Variants in ANK3 observed in about 807,000 individuals in gnomAD.
ANK3 encodes the protein ankyrin-3.
Under a neutral mutation model 370.9 loss-of-function variants are expected in ANK3, and 57 were observed. The ratio of observed to expected loss-of-function variants is 0.15; its 90% CI spans 0.12 to 0.19. The LOEUF is 0.19. Ranked by LOEUF, ANK3 falls within the 10% of genes least tolerant of loss-of-function variation. The pLI, the probability that ANK3 is intolerant of heterozygous loss-of-function variation, is 1.00. For synonymous variants in ANK3, 1,929 were observed against 1,946.3 expected (o/e 0.99, Z 0.23); for missense variants, 4,439 against 5,302.1 (o/e 0.84, Z 5.06).
chr10:60,264,808 G>A (rs79524330), intron 5 of ANK3, among the ~76,000 whole-genome samples: 13,648 of 152,114 alleles, frequency 0.09, 800 homozygotes, highest in South Asian at 0.17. Flanking sequence ...GTCAGGATAG[G>A]TGAATTCATG....
chr10:60,613,522 A>G (rs1302347926), intron 2 of ANK3, among the ~76,000 whole-genome samples: 1 of 152,226 alleles, frequency 6.6e-6, no homozygotes, highest in Non-Finnish European at 1.5e-5. Context: ...TGATAGGTAG[A>G]ACATATCATA....
At chr10:60,352,106 G>C (rs1352552365) in intron 1 of ANK3, among the ~76,000 whole-genome samples, 1 of 152,124 alleles carries the variant, frequency 6.6e-6, no homozygotes, top group Admixed American at 6.5e-5. Flanking sequence ...GACCAGTCTG[G>C]CAAACATGGT....
intron 1 of ANK3, among the ~76,000 whole-genome samples, chr10:60,297,901 A>G (rs1324247795): frequency 1.3e-5 from 2 of 152,168 alleles, no homozygotes; most frequent in Non-Finnish European, 2.9e-5. Flanking sequence ...ACTATATAAA[A>G]TATCCTACTT....
chr10:60,510,251 C>A (rs1269915156), intron 2 of ANK3, among the ~76,000 whole-genome samples: 4 of 152,020 alleles, frequency 2.6e-5, no homozygotes, highest in African/African-American at 9.7e-5. Flanking sequence ...AGGCAAGTAT[C>A]CCTTGAATAC....
intron 2 of ANK3, among the ~76,000 whole-genome samples, chr10:60,548,206 CTTT>C (rs537459971): frequency 1.0e-4 from 9 of 88,362 alleles, no homozygotes; most frequent in South Asian, 4.9e-4. Flanking sequence ...TAAATATTTC[CTTT>C]TTTTTTTTTT....
chr10:60,335,968 AT>A (rs1427043556), intron 1 of ANK3, among the ~76,000 whole-genome samples: 1 of 152,204 alleles, frequency 6.6e-6, no homozygotes, highest in African/African-American at 2.4e-5. Context: ...TTAAGGAGCA[AT>A]AACCGTAAGT....
rs41274676 is a variant in ANK3, at chr10:60,076,416, G to A, written c.4465C>T (p.Pro1489Ser). The change falls in exon 37 of 44, where the codon CCC (proline) becomes TCC (serine). Residue 1489 changes from proline to serine, a missense_variant. Coordinates refer to ENST00000280772, the MANE Select transcript of ANK3 (RefSeq NM_020987.5). ...AATGGCTTGTATGAGTAAGTGGTGGGGAGGGATCTTGTTGCTCCTGTACTC... is the reference window on the plus strand; with the variant it reads ...AATGGCTTGTATGAGTAAGTGGTGGAGAGGGATCTTGTTGCTCCTGTACTC... ...ERSTGATRSL[P>S]TTYSYKPFFS... 3,860 of 1,612,038 alleles carry A rather than the reference G, an allele frequency of 2.4e-3. 7 individuals carry two copies. Among genetic ancestry groups the A allele is most frequent in the Non-Finnish European group, 2.9e-3 (3,394 of 1,178,926 alleles).
intron 2 of ANK3, among the ~76,000 whole-genome samples, chr10:60,451,155 C>G (rs968521542): frequency 1.3e-5 from 2 of 152,166 alleles, no homozygotes; most frequent in African/African-American, 4.8e-5. Context: ...GGATCCCCAG[C>G]CACGCCGGAA....
intron 2 of ANK3, among the ~76,000 whole-genome samples, chr10:60,520,866 T>A (rs1242166713): frequency 6.6e-6 from 1 of 152,118 alleles, no homozygotes; most frequent in Non-Finnish European, 1.5e-5. Context: ...CACAGTGACA[T>A]GTTTCGAATT....
intron 2 of ANK3, among the ~76,000 whole-genome samples, chr10:60,532,461 G>C (rs1372555601): frequency 2.6e-5 from 4 of 151,334 alleles, no homozygotes; most frequent in Non-Finnish European, 4.4e-5. Context: ...CAAACCTTTA[G>C]AGTCCCAGGA....
chr10:60,711,771 ATAT>A (rs2079711973), intron 1 of ANK3, among the ~76,000 whole-genome samples: 1 of 152,230 alleles, frequency 6.6e-6, no homozygotes, highest in African/African-American at 2.4e-5. Flanking sequence ...ACATCTAGAC[ATAT>A]TATATCTAAA....
intron 1 of ANK3, among the ~76,000 whole-genome samples, chr10:60,623,026 T>G (rs934128688): frequency 9.2e-5 from 14 of 152,296 alleles, no homozygotes; most frequent in Middle Eastern, 6.8e-3. Flanking sequence ...ACAGAAACTA[T>G]TCATTTGGCT....
chr10:60,733,274 C>T, exon 1 of ANK3: 1 of 1,238,486 alleles, frequency 8.1e-7, no homozygotes, highest in Non-Finnish European at 1.0e-6. Flanking sequence ...TGGGCAGGAG[C>T]GGAGTCCTCG....
rs950177051 is a variant in ANK3, at chr10:60,088,256, C to T, written c.3431G>A (p.Ser1144Asn). Residue 1144 changes from serine to asparagine, a missense_variant, in exon 29 of 44, where the codon AGC (serine) becomes AAC (asparagine). Physicochemically the swap from Ser to Asn is conservative, Grantham distance 46. This residue lies in a region of ANK3 where 702 missense variants were observed against 941.5 expected (regional missense o/e 0.75). Coordinates refer to ENST00000280772, the MANE Select transcript of ANK3 (RefSeq NM_020987.5). ...FAVVSRIKQE[S>N]NQIGPEGGIL... Reference sequence around the variant, plus strand: ...TCCACCTTCAGGACCAATCTGGTTGCTTTCCTGCTTAATCCGGGAAACCAC... The same window carrying T: ...TCCACCTTCAGGACCAATCTGGTTGTTTTCCTGCTTAATCCGGGAAACCAC... 6.2e-7 allele frequency: 1 copy of T among 1,614,192 alleles called. No individual in the cohort carries two copies. Among genetic ancestry groups the T allele is most frequent in the Non-Finnish European group, 8.5e-7 (1 of 1,180,022 alleles).
At chr10:60,642,287 T>C (rs2133352192) in intron 1 of ANK3, among the ~76,000 whole-genome samples, 2 of 151,472 alleles carry the variant, frequency 1.3e-5, no homozygotes, top group South Asian at 4.2e-4. Context: ...ACTGGGTATA[T>C]ACCCAAAGGA....
chr10:60,648,153 T>TC (rs2078735579), intron 1 of ANK3, among the ~76,000 whole-genome samples: 1 of 80,832 alleles, frequency 1.2e-5, no homozygotes. Flanking sequence ...CCTCTTTTTT[T>TC]TTTCCTTTTT....
chr10:60,440,922 G>C (rs546729347), intron 2 of ANK3, among the ~76,000 whole-genome samples: 6 of 152,174 alleles, frequency 3.9e-5, no homozygotes, highest in Admixed American at 6.5e-5. Flanking sequence ...AAAAAGGGTA[G>C]TTCTTCATAC....
At chr10:60,629,053 C>A (rs746183596) in intron 1 of ANK3, among the ~76,000 whole-genome samples, 3 of 152,000 alleles carry the variant, frequency 2.0e-5, no homozygotes, top group Non-Finnish European at 2.9e-5. Context: ...CATTGAGCAA[C>A]GAGTCACCAG....
intron 2 of ANK3, among the ~76,000 whole-genome samples, chr10:60,513,498 C>T (rs1240601958): frequency 6.6e-6 from 1 of 151,944 alleles, no homozygotes; most frequent in Non-Finnish European, 1.5e-5. Context: ...AGAAGTGAAA[C>T]ATTGAAGGGA....
Sources: gnomAD v4.1 joint callset for allele counts (sites outside exome capture counted in the v4.1 genomes callset) on GRCh38, gnomAD v4.1.1 for gene constraint, gnomAD v4.1.1 regional missense constraint, MANE v1.5 for transcripts, NCBI Gene and HGNC (gene_info 2026-07-23, HGNC 2026-07-21) for gene names.